The following GALNT9 variants were observed in gnomAD, a reference collection of about 807,000 sequenced individuals.
The protein encoded by GALNT9 is polypeptide N-acetylgalactosaminyltransferase 9, also known as GalNAc transferase 9.
GALNT9 carries 47 observed loss-of-function variants against 63.1 expected under a neutral mutation model. That is an observed-to-expected ratio of 0.75 (90% CI 0.59 to 0.95). The LOEUF is 0.95. Ranked by LOEUF, GALNT9 falls within the 40% of genes least tolerant of loss-of-function variation. The pLI is 0.00. For synonymous variants in GALNT9, 396 were observed against 365.7 expected (o/e 1.08, Z -0.94); for missense variants, 829 against 874.8 (o/e 0.95, Z 0.66).
chr12:132,255,410 T>G (rs970835023), intron 5 of GALNT9, among the ~76,000 whole-genome samples: 2 of 152,238 alleles, frequency 1.3e-5, no homozygotes, highest in Non-Finnish European at 2.9e-5. Context: ...CCCTTTCTTT[T>G]GGAGGTCTTT....
intron 9 of GALNT9, among the ~76,000 whole-genome samples, 181 bp from the exon 10 acceptor site, chr12:132,198,140 G>A (rs575861918): frequency 6.6e-6 from 1 of 152,252 alleles, no homozygotes; most frequent in Admixed American, 6.5e-5. Flanking sequence ...CCCACGTGGG[G>A]ATGCGGGCTG....
rs1201102927 is a variant in GALNT9 at position 132,203,576 on chromosome 12, G to GGGCGTTGCGCTT, written c.1180_1191dup (p.Lys394_Ala397dup). On this transcript the variant is annotated inframe_insertion, in exon 7 of 11. Coordinates refer to ENST00000328957, the MANE Select transcript of GALNT9 (RefSeq NM_001122636.2). ...TCCATCCACACCTCGGCGGCGCGCA[G>GGGCGTTGCGCTT]GGCGTTGCGCTTGGCATAGTAGTCA... The GGGCGTTGCGCTT allele has an allele frequency of 6.2e-7, 1 of 1,613,922 alleles. No homozygotes were observed.
At position 132,329,046 on chromosome 12, in the gene GALNT9, T is replaced by C. The variant is rs1195744354; in HGVS notation, c.158A>G (p.Lys53Arg). 2 of 1,546,306 alleles carry C rather than the reference T, an allele frequency of 1.3e-6. No individual in the cohort carries two copies. Among genetic ancestry groups the C allele is most frequent in the African/African-American group, 2.7e-5 (2 of 72,986 alleles). ...CTCACGGTCCCCCAGCGTGCCCACCTTGGCGTGTCGGCTGCGCACCCGGCG... is the reference window on the plus strand; with the variant it reads ...CTCACGGTCCCCCAGCGTGCCCACCCTGGCGTGTCGGCTGCGCACCCGGCG... The part of the protein sequence containing the change: ...GDRRVRSRHA[K>R]VGTLGDREAI... Residue 53 changes from lysine to arginine, a missense_variant, in exon 1 of 11, where the codon AAG becomes AGG. Transcript: ENST00000328957.
chr12:132,257,926 A>T, intron 4 of GALNT9, 40 bp from the exon 5 acceptor site: 1 of 1,376,796 alleles, frequency 7.3e-7, no homozygotes, highest in Non-Finnish European at 9.9e-7. Context: ...GCCCCAGCCC[A>T]CCGCATTCCC....
At chr12:132,228,709 C>T (rs1010160800) in intron 6 of GALNT9, among the ~76,000 whole-genome samples, 1 of 152,122 alleles carries the variant, frequency 6.6e-6, no homozygotes, top group Non-Finnish European at 1.5e-5. Flanking sequence ...CTGTAACACC[C>T]GAGGAGCAGC....
At position 132,315,252 on chromosome 12, in the gene GALNT9, G is replaced by C. The variant is rs1868449723; in HGVS notation, c.238+13714C>G. On this transcript the variant is annotated intron_variant, in intron 1 of 10. Transcript: ENST00000328957. This position sits in a 1 kb window ranked among gnomAD's most constrained non-coding sequence, Gnocchi z 6.1. ...GTGCTGGAGCCTCAGAATATAATCA[G>C]GGCGGCCTCCCCTGTGTCCACTGCA... Among the ~76,000 whole-genome samples the C allele has an allele frequency of 7.5e-6, 1 of 134,050 alleles. No individual in the cohort carries two copies. The highest frequency in any genetic ancestry group is 2.6e-4 in the South Asian group (1 of 3,892). The allele number at this position is 134,050 out of a possible 152,430, so 87.9% of individuals were successfully genotyped here.
chr12:132,215,343 T>G (rs1179871726), intron 6 of GALNT9, among the ~76,000 whole-genome samples: 1 of 152,264 alleles, frequency 6.6e-6, no homozygotes, highest in East Asian at 1.9e-4. Flanking sequence ...ACACAGTCAG[T>G]TTCTAAATGG....
intron 6 of GALNT9, chr12:132,240,770 G>C (rs1555236947): frequency 8.8e-6 from 4 of 454,708 alleles, no homozygotes; most frequent in South Asian, 1.6e-5. Context: ...GAATTGGAAT[G>C]TGCAGTATGA....
At chr12:132,325,741 G>C (rs782524065) in intron 1 of GALNT9, among the ~76,000 whole-genome samples, 9 of 152,248 alleles carry the variant, frequency 5.9e-5, no homozygotes, top group Non-Finnish European at 1.0e-4. Flanking sequence ...GCTAGGGCAG[G>C]TCAGTGAGAG....
At chr12:132,283,029 C>G (rs573234811) in intron 2 of GALNT9, 1 of 152,282 alleles carries the variant, frequency 6.6e-6, no homozygotes, top group Admixed American at 6.5e-5. Context: ...AAACGAACCT[C>G]GGGGGGACGC....
chr12:132,200,492 C>T (rs114533168), intron 8 of GALNT9: 1 of 152,446 alleles, frequency 6.6e-6, no homozygotes, highest in African/African-American at 2.4e-5. Flanking sequence ...TGTGGATGCA[C>T]AGACGTGTAC....
Position 132,329,103 on chromosome 12 carries a change from GAGCGGCC to G in GALNT9, c.94_100del (p.Gly32ProfsTer8), listed in dbSNP as rs1555246754. On this transcript the variant is annotated frameshift_variant, in exon 1 of 11. Transcript: ENST00000328957. LOFTEE classifies it high-confidence loss of function. ...GCTCACGATGCGCACGAGCTCCTGG[GAGCGGCC>G]CTGCAGGCGGCAGTACACGGAGAAC... is the stretch of plus-strand genomic sequence containing the variant. 6.5e-7 allele frequency: 1 copy of G among 1,549,290 alleles called. No individual in the cohort carries two copies. Among genetic ancestry groups the G allele is most frequent in the Admixed American group, 2.0e-5 (1 of 50,982 alleles).
intron 7 of GALNT9, 155 bp from the exon 8 acceptor site, chr12:132,201,416 C>G: frequency 4.2e-6 from 1 of 240,542 alleles, no homozygotes; most frequent in Non-Finnish European, 8.2e-6. Context: ...AGTTGGGACC[C>G]CCCAGCCTCC....
chr12:132,216,838 G>A (rs1278016857), intron 6 of GALNT9, among the ~76,000 whole-genome samples: 1 of 152,250 alleles, frequency 6.6e-6, no homozygotes, highest in African/African-American at 2.4e-5. Flanking sequence ...GGCGTTTCTG[G>A]GCTTTTCGCC....
At chr12:132,260,069 C>CGCGGGGCCTG (rs1879317628) in intron 4 of GALNT9, among the ~76,000 whole-genome samples, 11 of 87,232 alleles carry the variant, frequency 1.3e-4, no homozygotes, top group African/African-American at 4.1e-4. Context: ...GCACTATGGA[C>CGCGGGGCCTG]CCCGTAGGTG....
intron 6 of GALNT9, among the ~76,000 whole-genome samples, chr12:132,228,728 G>A (rs1205298167): frequency 9.2e-5 from 14 of 152,156 alleles, no homozygotes; most frequent in Admixed American, 7.2e-4. Flanking sequence ...GCATGTCCGA[G>A]CGTTTCAAGA....
At chr12:132,207,094 T>G (rs1434090025) in intron 6 of GALNT9, among the ~76,000 whole-genome samples, 1 of 152,138 alleles carries the variant, frequency 6.6e-6, no homozygotes, top group African/African-American at 2.4e-5. Flanking sequence ...AAACCCCAAA[T>G]GTCACCATCA....
In GALNT9 at chr12:132,329,572, G is replaced by A. The variant is rs1869209789; in HGVS notation, c.-369C>T. 6.8e-6 allele frequency among the ~76,000 whole-genome samples: 1 copy of A among 146,752 alleles called. No homozygotes were observed. Among genetic ancestry groups the A allele is most frequent in the East Asian group, 2.0e-4 (1 of 5,006 alleles). On this transcript the variant is annotated 5_prime_UTR_variant, in exon 1 of 11. Transcript: ENST00000328957. ...CTGTCCTGCCCGCCCCGCAGCCACC[G>A]CGCCGGTGCAGAGTGACGCGGCCTC... is the stretch of plus-strand genomic sequence containing the variant.
In GALNT9 at chr12:132,230,530, G is replaced by A. The variant is rs922500090; in HGVS notation, c.1077+17380C>T. On this transcript the variant is annotated intron_variant, in intron 6 of 10. Coordinates refer to ENST00000328957, the MANE Select transcript of GALNT9 (RefSeq NM_001122636.2). ...TTAATCCGTCCACTGCCAAGGCCAC[G>A]CTGCCTGGCCCTCGTGGCGGGGGAG... Among the ~76,000 whole-genome samples, 233 of 152,332 alleles carry A rather than the reference G, an allele frequency of 1.5e-3. 1 individual carries two copies. The highest frequency in any genetic ancestry group is 6.8e-3 in the Middle Eastern group (2 of 294).
Sources: allele counts gnomAD v4.1 joint callset (sites outside exome capture counted in the v4.1 genomes callset), GRCh38; gene constraint gnomAD v4.1.1; non-coding constraint Gnocchi (gnomAD v3.1); transcripts MANE v1.5; gene names NCBI Gene and HGNC (gene_info 2026-07-23, HGNC 2026-07-21).